The following FCHO2 variants were observed in gnomAD, a reference collection of about 807,000 sequenced individuals.
FCHO2 encodes the protein FCH and mu domain containing endocytic adaptor 2.
FCHO2 carries 43 observed loss-of-function variants against 114.1 expected under a neutral mutation model. The observed-to-expected ratio is 0.38, with a 90% CI of 0.30 to 0.49. The LOEUF (loss-of-function observed/expected upper bound fraction) is 0.49, where lower values mean the gene tolerates loss of function less well. FCHO2 is among the 20% of genes least tolerant of loss of function. FCHO2 has a pLI of 0.97. For missense variants in FCHO2, 807 were observed against 950.4 expected (o/e 0.85, Z 1.98); for synonymous variants, 293 against 315.2 (o/e 0.93, Z 0.75).
At chr5:72,957,983 A>G (rs1386873030) in intron 1 of FCHO2, among the ~76,000 whole-genome samples, 1 of 150,098 alleles carries the variant, frequency 6.7e-6, no homozygotes, top group African/African-American at 2.4e-5. Flanking sequence ...AGAAATGTCT[A>G]TTTAGATTAA....
At chr5:73,020,622 G>A in intron 8 of FCHO2, 1 of 763,594 alleles carries the variant, frequency 1.3e-6, no homozygotes, top group East Asian at 2.6e-5. Context: ...GTTGGAGGTG[G>A]GGTTGGTAGA....
intron 8 of FCHO2, among the ~76,000 whole-genome samples, chr5:73,019,663 C>T (rs80302431): frequency 0.011 from 1,620 of 152,242 alleles, 61 homozygotes; most frequent in Admixed American, 0.07. Flanking sequence ...GAAAAACATT[C>T]CAGTGCACGT....
chr5:72,974,981 A>G (rs536530311), intron 2 of FCHO2, among the ~76,000 whole-genome samples: 1 of 152,276 alleles, frequency 6.6e-6, no homozygotes, highest in East Asian at 1.9e-4. Context: ...TTGACTGGAT[A>G]TGAAATTCGG....
intron 1 of FCHO2, among the ~76,000 whole-genome samples, chr5:72,966,926 G>A (rs541925370): frequency 1.4e-4 from 22 of 152,248 alleles, no homozygotes; most frequent in African/African-American, 4.6e-4. Context: ...TACTAATTAA[G>A]GATTCATAGG....
At chr5:73,059,270 T>C (rs1757741721) in intron 17 of FCHO2, among the ~76,000 whole-genome samples, 1 of 152,204 alleles carries the variant, frequency 6.6e-6, no homozygotes, top group Admixed American at 6.5e-5. Flanking sequence ...CGGGAAGAAC[T>C]TAAATCTGTC....
Position 73,006,484 on chromosome 5 carries a change from C to A in FCHO2, c.535C>A (p.Leu179Ile). The change falls in exon 6 of 26, where the codon CTC (leucine) becomes ATC (isoleucine). Residue 179 changes from leucine (L) to isoleucine (I), a missense_variant. Transcript: ENST00000430046. ...KSKKATDTYK[L>I]YVEKYALAKA... Reference sequence around the variant, plus strand: ...TAAGAAAGCTACAGATACCTATAAACTCTATGTGGAAAAATATGCATTAGC... The same window carrying A: ...TAAGAAAGCTACAGATACCTATAAAATCTATGTGGAAAAATATGCATTAGC... 3 of 1,576,746 alleles carry A rather than the reference C, an allele frequency of 1.9e-6. No individual in the cohort carries two copies. The highest frequency in any genetic ancestry group is 1.9e-5 in the Admixed American group (1 of 52,916).
intron 2 of FCHO2, among the ~76,000 whole-genome samples, chr5:72,979,616 C>A (rs921634351): frequency 1.3e-5 from 2 of 151,502 alleles, no homozygotes; most frequent in African/African-American, 4.8e-5. Flanking sequence ...TGGTCTCGAT[C>A]TCCTGACCTC....
chr5:73,054,978 C>A, intron 15 of FCHO2: 1 of 236,660 alleles, frequency 4.2e-6, no homozygotes, highest in Non-Finnish European at 8.9e-6. Context: ...GGTGCTAATA[C>A]CTTTTGCAGA....
At chr5:73,017,799 T>C (rs1755386365) in intron 8 of FCHO2, among the ~76,000 whole-genome samples, 1 of 152,156 alleles carries the variant, frequency 6.6e-6, no homozygotes, top group Non-Finnish European at 1.5e-5. Flanking sequence ...TATTGAGTTC[T>C]AACAATATAC....
chr5:73,041,675 T>G (rs992003653), intron 11 of FCHO2, among the ~76,000 whole-genome samples: 15 of 152,102 alleles, frequency 9.9e-5, no homozygotes, highest in Admixed American at 9.2e-4. Context: ...AAATACAACA[T>G]TGTGCGTGCA....
intron 2 of FCHO2, among the ~76,000 whole-genome samples, chr5:72,987,814 C>T (rs1259405110): frequency 6.6e-6 from 1 of 152,086 alleles, no homozygotes; most frequent in Non-Finnish European, 1.5e-5. Flanking sequence ...GTACTATCAG[C>T]GAGAGGCAGT....
Position 73,050,564 on chromosome 5 carries a change from G to A in FCHO2, c.940-785G>A, listed in dbSNP as rs116656964. 9.4e-3 allele frequency among the ~76,000 whole-genome samples: 1,432 copies of A among 152,042 alleles called. 27 individuals are homozygous for A. The highest frequency in any genetic ancestry group is 0.033 in the African/African-American group (1,371 of 41,468). Reference sequence around the variant, plus strand: ...GATCTCTTGACCTCATGATCCACCCGCTTCAGCCTCCAAAAGTGCTGGAAC... The same window carrying A: ...GATCTCTTGACCTCATGATCCACCCACTTCAGCCTCCAAAAGTGCTGGAAC... On this transcript the variant is annotated intron_variant, in intron 11 of 25. Coordinates refer to ENST00000430046, the MANE Select transcript of FCHO2 (RefSeq NM_138782.3).
chr5:73,077,034 A>G (rs62362211), intron 20 of FCHO2, among the ~76,000 whole-genome samples: 45,283 of 152,016 alleles, frequency 0.3, 6,985 homozygotes, highest in East Asian at 0.44. Context: ...GAGGAAAGCA[A>G]TATCCTTCCA....
At chr5:73,009,315 A>C (rs1357059037) in intron 6 of FCHO2, among the ~76,000 whole-genome samples, 1 of 152,234 alleles carries the variant, frequency 6.6e-6, no homozygotes, top group Non-Finnish European at 1.5e-5. Flanking sequence ...TTTCACATTA[A>C]ATGGTTAGTC....
At chr5:72,990,668 C>T (rs1471645394) in intron 4 of FCHO2, 44 bp from the exon 5 acceptor site, 1 of 1,534,124 alleles carries the variant, frequency 6.5e-7, no homozygotes, top group South Asian at 1.3e-5. Context: ...ATATTGAATA[C>T]TTTATAGTTC....
chr5:73,086,025 G>C (rs1743298532), intron 24 of FCHO2, among the ~76,000 whole-genome samples: 1 of 151,858 alleles, frequency 6.6e-6, no homozygotes, highest in Admixed American at 6.6e-5. Flanking sequence ...AGGAGGCTGA[G>C]GCAGGAGAAT....
intron 8 of FCHO2, among the ~76,000 whole-genome samples, chr5:73,020,336 G>A (rs1404770139): frequency 1.3e-5 from 2 of 152,206 alleles, no homozygotes; most frequent in Non-Finnish European, 2.9e-5. Context: ...AGGCAGTAGG[G>A]CTACAGTCTA....
At chr5:73,032,872 T>G (rs539113002) in intron 8 of FCHO2, among the ~76,000 whole-genome samples, 6 of 152,310 alleles carry the variant, frequency 3.9e-5, no homozygotes, top group African/African-American at 1.4e-4. Flanking sequence ...GACGATTATA[T>G]TTTCTCAAGC....
intron 19 of FCHO2, among the ~76,000 whole-genome samples, chr5:73,069,440 C>T (rs1234544040): frequency 1.3e-5 from 2 of 152,030 alleles, no homozygotes; most frequent in African/African-American, 4.8e-5. Flanking sequence ...TGCAACTAGT[C>T]AGTCCCATCT....
Sources: allele counts gnomAD v4.1 joint callset (sites outside exome capture counted in the v4.1 genomes callset), GRCh38; gene constraint gnomAD v4.1.1; transcripts MANE v1.5; gene names NCBI Gene and HGNC (gene_info 2026-07-23, HGNC 2026-07-21).